Variants in IL1RAPL1 observed in about 807,000 individuals in gnomAD.
IL1RAPL1 encodes interleukin 1 receptor accessory protein like 1, also known as interleukin-1 receptor accessory protein-like 1.
A neutral mutation model predicts 48.4 loss-of-function variants in IL1RAPL1; 3 were observed. The ratio of observed to expected loss-of-function variants is 0.06; its 90% CI spans 0.03 to 0.16. The LOEUF is 0.16. Ranked by LOEUF, IL1RAPL1 falls within the 10% of genes least tolerant of loss-of-function variation. IL1RAPL1 has a pLI of 1.00. For synonymous variants in IL1RAPL1, 185 were observed against 187.7 expected (o/e 0.99, Z 0.12); for missense variants, 349 against 530.6 (o/e 0.66, Z 3.36).
intron 1 of IL1RAPL1, among the ~76,000 whole-genome samples, chrX:28,666,932 C>G (rs1934886928): frequency 8.9e-6 from 1 of 111,941 alleles, no homozygotes; most frequent in South Asian, 3.7e-4. Flanking sequence ...ACTAATTTAT[C>G]CAGCAGTGGC....
intron 3 of IL1RAPL1, among the ~76,000 whole-genome samples, chrX:29,371,020 A>G (rs933831981): frequency 3.6e-5 from 4 of 110,162 alleles, no homozygotes; most frequent in African/African-American, 1.3e-4. Flanking sequence ...GGAACATTCA[A>G]AATCTGCTCT....
chrX:29,276,054 C>T (rs1932113666), intron 2 of IL1RAPL1, among the ~76,000 whole-genome samples: 1 of 112,177 alleles, frequency 8.9e-6, no homozygotes, highest in South Asian at 3.7e-4. Flanking sequence ...TTTAAAGGAT[C>T]AATTTGCTGG....
chrX:29,378,563 T>C (rs1246192280), intron 3 of IL1RAPL1, among the ~76,000 whole-genome samples: 1 of 112,512 alleles, frequency 8.9e-6, no homozygotes, highest in Non-Finnish European at 1.9e-5. Flanking sequence ...GCGTGTTTTC[T>C]GAGGGTCAAG....
At chrX:29,004,005 G>A (rs969389991) in intron 2 of IL1RAPL1, among the ~76,000 whole-genome samples, 2 of 110,919 alleles carry the variant, frequency 1.8e-5, no homozygotes, top group Non-Finnish European at 3.8e-5. Flanking sequence ...AGCCAGATGT[G>A]GTGGTGTGTA....
intron 6 of IL1RAPL1, among the ~76,000 whole-genome samples, chrX:29,784,961 A>G (rs1929459721): frequency 8.9e-6 from 1 of 112,203 alleles, no homozygotes; most frequent in African/African-American, 3.2e-5. Flanking sequence ...GATACGTTGC[A>G]GTAGTCAGAC....
At chrX:29,217,521 G>T (rs1930893188) in intron 2 of IL1RAPL1, among the ~76,000 whole-genome samples, 1 of 111,408 alleles carries the variant, frequency 9.0e-6, no homozygotes, top group Non-Finnish European at 1.9e-5. Context: ...TTTTGTTCTT[G>T]CGAAGTTAAA....
In IL1RAPL1 at chrX:28,599,431, CAAGTAAT is replaced by C. The variant is rs770064413; in HGVS notation, c.-25+11389_-25+11395del. ...GCCCCTCCAACTCAGCTTCAACTTT[CAAGTAAT>C]AAGTCATTTCCAACCACAATGGCAC... On this transcript the variant is annotated intron_variant, in intron 1 of 10. Transcript: ENST00000378993. 3.7e-3 allele frequency among the ~76,000 whole-genome samples: 405 copies of C among 110,716 alleles called. 3 individuals are homozygous for C. Among genetic ancestry groups the C allele is most frequent in the African/African-American group, 0.013 (393 of 30,402 alleles).
intron 2 of IL1RAPL1, among the ~76,000 whole-genome samples, chrX:28,803,228 G>A (rs780470620): frequency 1.2e-4 from 13 of 111,428 alleles, no homozygotes; most frequent in South Asian, 3.7e-4. Flanking sequence ...TTCAGGTGTC[G>A]AAAGGAGAAA....
chrX:29,365,691 CAAAG>C (rs1477796364), intron 3 of IL1RAPL1, among the ~76,000 whole-genome samples: 3 of 108,570 alleles, frequency 2.8e-5, no homozygotes, highest in African/African-American at 6.7e-5. Context: ...TCTCAAAAAA[CAAAG>C]AAAGAAAGAA....
chrX:29,193,699 G>T (rs1930392812), intron 2 of IL1RAPL1, among the ~76,000 whole-genome samples: 1 of 111,042 alleles, frequency 9.0e-6, no homozygotes, highest in African/African-American at 3.3e-5. Flanking sequence ...CCTATATCTT[G>T]GTTGTCATAG....
intron 5 of IL1RAPL1, among the ~76,000 whole-genome samples, chrX:29,648,620 A>G (rs1377373878): frequency 8.9e-6 from 1 of 112,167 alleles, no homozygotes; most frequent in East Asian, 2.8e-4. Flanking sequence ...ACCAAAAGCT[A>G]TGAGATATAG....
chrX:29,870,768 C>A (rs1931785112), intron 6 of IL1RAPL1, among the ~76,000 whole-genome samples: 1 of 111,933 alleles, frequency 8.9e-6, no homozygotes, highest in Admixed American at 9.5e-5. Flanking sequence ...CTAAGATATA[C>A]CCATATCTTG....
intron 5 of IL1RAPL1, among the ~76,000 whole-genome samples, chrX:29,523,470 G>T (rs1313413802): frequency 1.8e-5 from 2 of 111,524 alleles, no homozygotes; most frequent in East Asian, 5.6e-4. Context: ...ATTTCAAACT[G>T]AAATTGAAAA....
intron 2 of IL1RAPL1, among the ~76,000 whole-genome samples, chrX:28,972,598 G>GCC (rs1925108883): frequency 9.0e-6 from 1 of 110,683 alleles, no homozygotes; most frequent in Non-Finnish European, 1.9e-5. Flanking sequence ...AATTAGCCGG[G>GCC]CGTGGTGGCG....
At chrX:28,602,104 C>CA (rs1168499677) in intron 1 of IL1RAPL1, among the ~76,000 whole-genome samples, 970 of 37,852 alleles carry the variant, frequency 0.026, 25 homozygotes, top group African/African-American at 0.056. Flanking sequence ...GACTCCATCT[C>CA]AAAAAAAAAA....
intron 6 of IL1RAPL1, among the ~76,000 whole-genome samples, chrX:29,669,209 C>A (rs879193815): frequency 1.8e-5 from 2 of 111,213 alleles, no homozygotes; most frequent in Admixed American, 9.6e-5. Flanking sequence ...CATAGCAATT[C>A]TGTTATATTC....
intron 5 of IL1RAPL1, among the ~76,000 whole-genome samples, chrX:29,494,422 A>G (rs1479292064): frequency 8.9e-6 from 1 of 112,014 alleles, no homozygotes; most frequent in Non-Finnish European, 1.9e-5. Flanking sequence ...GAATAGCAAG[A>G]TGCTGGACAT....
intron 6 of IL1RAPL1, among the ~76,000 whole-genome samples, chrX:29,853,010 G>A (rs1601852354): frequency 9.0e-6 from 1 of 110,882 alleles, no homozygotes. Context: ...ACCTTCTAGG[G>A]CACATGGGGT....
chrX:28,802,253 T>G (rs1206075297), intron 2 of IL1RAPL1, among the ~76,000 whole-genome samples: 1 of 112,678 alleles, frequency 8.9e-6, no homozygotes, highest in East Asian at 2.8e-4. Flanking sequence ...AAGTAAAATT[T>G]GGTTTGTCAG....
Sources: gnomAD v4.1 joint callset for allele counts (sites outside exome capture counted in the v4.1 genomes callset) on GRCh38, gnomAD v4.1.1 for gene constraint, MANE v1.5 for transcripts, NCBI Gene and HGNC (gene_info 2026-07-23, HGNC 2026-07-21) for gene names.